IFT80: variants seen among roughly 807,000 people sequenced by gnomAD.
IFT80 encodes intraflagellar transport 80.
Under a neutral mutation model 107.9 loss-of-function variants are expected in IFT80, and 79 were observed. The observed-to-expected ratio is 0.73, with a 90% CI of 0.61 to 0.88. IFT80 has a LOEUF of 0.88. IFT80 is among the 40% of genes least tolerant of loss of function. IFT80 has a pLI of 0.00. For missense variants in IFT80, 797 were observed against 914.2 expected (o/e 0.87, Z 1.65); for synonymous variants, 299 against 300.9 (o/e 0.99, Z 0.07).
rs146306254 is a variant in IFT80 at position 160,270,383 on chromosome 3, T to C, written c.2100-1847A>G. Reference sequence around the variant, plus strand: ...GGTGTATGTATTGATTGACAACTGATAGACTTTTGAGAGATATTAAACACT... The same window carrying C: ...GGTGTATGTATTGATTGACAACTGACAGACTTTTGAGAGATATTAAACACT... On this transcript the variant is annotated intron_variant, in intron 18 of 19. Transcript: ENST00000326448. 1.7e-4 allele frequency among the ~76,000 whole-genome samples: 26 copies of C among 152,354 alleles called. No individual in the cohort carries two copies. In the East Asian group the frequency reaches 5.0e-3, roughly 29 times the overall value.
In IFT80 at chr3:160,280,790, C is replaced by T; in HGVS notation, c.1541G>A (p.Trp514Ter). ...KLGTMVHTLA[W>*]NDTCNILCGL... is the part of the protein sequence containing the mutation. ...ACAAAGGATATTGCATGTATCGTTC[C>T]ATGCCAAAGTATGCACCATTGTTCC... Residue 514 changes from tryptophan to a stop codon, truncating the protein, a stop_gained, in exon 15 of 20, where the codon TGG (tryptophan) becomes TAG (stop). Transcript: ENST00000326448. LOFTEE classifies it high-confidence loss of function. The T allele has an allele frequency of 6.2e-7, 1 of 1,613,192 alleles. No homozygotes were observed. Among genetic ancestry groups the T allele is most frequent in the Non-Finnish European group, 8.5e-7 (1 of 1,179,494 alleles).
At position 160,279,046 on chromosome 3, in the gene IFT80, T is replaced by C. The variant is rs547961949; in HGVS notation, c.1836+147A>G. On this transcript the variant is annotated intron_variant, in intron 16 of 19. Coordinates refer to ENST00000326448, the MANE Select transcript of IFT80 (RefSeq NM_020800.3). ...AATCACACAGCAACATGTATTCCTC[T>C]GTATTGCCCATGTCTTTACTTATAA... 17 of 637,016 alleles carry C rather than the reference T, an allele frequency of 2.7e-5. No individual in the cohort carries two copies. The South Asian group carries it at 2.8e-4, about 11-fold the overall frequency. The allele number at this position is 637,016 out of a possible 1,614,324, so 39.5% of individuals were successfully genotyped here.
At chr3:160,317,326 T>A (rs1456191852) in intron 9 of IFT80, among the ~76,000 whole-genome samples, 2 of 152,130 alleles carry the variant, frequency 1.3e-5, no homozygotes, top group Non-Finnish European at 2.9e-5. Context: ...TTTAAAACTT[T>A]AAAAATTTAT....
chr3:160,365,973 C>T (rs1459698846), intron 6 of IFT80, 70 bp downstream of exon 6: 7 of 1,158,406 alleles, frequency 6.0e-6, no homozygotes, highest in South Asian at 1.2e-5. Context: ...AAAGAGACTC[C>T]TAAGCAAGTG....
intron 8 of IFT80, among the ~76,000 whole-genome samples, chr3:160,329,910 CT>C (rs1275700989): frequency 6.6e-6 from 1 of 152,072 alleles, no homozygotes. Flanking sequence ...TTTTTCTCCC[CT>C]ACACTGTTAC....
At chr3:160,284,468 C>T (rs1160488848) in intron 13 of IFT80, among the ~76,000 whole-genome samples, 1 of 152,100 alleles carries the variant, frequency 6.6e-6, no homozygotes, top group Non-Finnish European at 1.5e-5. Context: ...GGGAAATAAG[C>T]ACCTCATATA....
chr3:160,305,106 C>T (rs894380781), intron 10 of IFT80, among the ~76,000 whole-genome samples: 1 of 152,010 alleles, frequency 6.6e-6, no homozygotes, highest in African/African-American at 2.4e-5. Context: ...AACAGAAAAA[C>T]CCATCCTTAA....
At chr3:160,286,188 C>T (rs1423428740) in intron 12 of IFT80, among the ~76,000 whole-genome samples, 1 of 152,112 alleles carries the variant, frequency 6.6e-6, no homozygotes, top group Non-Finnish European at 1.5e-5. Flanking sequence ...TAATATAACA[C>T]CATAGTGTAG....
At chr3:160,323,028 C>G (rs79293315) in intron 8 of IFT80, among the ~76,000 whole-genome samples, 26,950 of 151,842 alleles carry the variant, frequency 0.18, 2,869 homozygotes, top group Non-Finnish European at 0.23. Flanking sequence ...TGTGCAGAGG[C>G]TCTTTAGTTT....
intron 12 of IFT80, 97 bp from the exon 13 acceptor site, chr3:160,285,965 ACTCT>A: frequency 1.2e-6 from 1 of 826,144 alleles, no homozygotes; most frequent in South Asian, 1.5e-5. Flanking sequence ...AAATTATTTA[ACTCT>A]CTAGACCACA....
rs766354291 is a variant in IFT80 at position 160,307,777 on chromosome 3, C to A, written c.962G>T (p.Arg321Leu). ...ATCCACTGCATCATTAAGAACATTACGAACCTAAACAAGGAAAAATAAAAT... is the reference window on the plus strand; with the variant it reads ...ATCCACTGCATCATTAAGAACATTAAGAACCTAAACAAGGAAAAATAAAAT... ...TLTKRRAMQV[R>L]NVLNDAVDLL... The change falls in exon 10 of 20, where the codon CGT becomes CTT. Residue 321 changes from arginine (R) to leucine (L), a missense_variant. Transcript: ENST00000326448. 1.4e-6 allele frequency: 2 copies of A among 1,477,006 alleles called. No homozygotes were observed. Among genetic ancestry groups the A allele is most frequent in the East Asian group, 2.3e-5 (1 of 44,132 alleles). The allele number at this position is 1,477,006 out of a possible 1,614,324, so 91.5% of individuals were successfully genotyped here. A position where few individuals can be genotyped will look rare whatever the true frequency, so the allele number is the denominator to read the frequency against.
chr3:160,392,383 A>C (rs568665126), intron 1 of IFT80, among the ~76,000 whole-genome samples: 117 of 152,334 alleles, frequency 7.7e-4, no homozygotes, highest in African/African-American at 2.6e-3. Context: ...CTCTCCACTG[A>C]ACCCCACACT....
intron 9 of IFT80, among the ~76,000 whole-genome samples, chr3:160,312,823 TAA>T (rs1257666590): frequency 2.7e-5 from 1 of 37,582 alleles, no homozygotes; most frequent in Non-Finnish European, 4.8e-5. Context: ...TATAAATATA[TAA>T]TATATATATA....
At chr3:160,326,284 C>A (rs567458126) in intron 8 of IFT80, among the ~76,000 whole-genome samples, 19 of 151,920 alleles carry the variant, frequency 1.3e-4, no homozygotes, top group African/African-American at 3.9e-4. Flanking sequence ...GGAACTATTC[C>A]AAAAAATTAA....
intron 6 of IFT80, among the ~76,000 whole-genome samples, chr3:160,358,411 A>G (rs766233005): frequency 2.6e-5 from 4 of 152,064 alleles, no homozygotes; most frequent in Non-Finnish European, 5.9e-5. Context: ...CATTCACTTT[A>G]TCTTCATGTG....
intron 5 of IFT80, among the ~76,000 whole-genome samples, chr3:160,371,603 C>T (rs1454925212): frequency 6.6e-6 from 1 of 152,030 alleles, no homozygotes; most frequent in African/African-American, 2.4e-5. Flanking sequence ...CCACTATGCC[C>T]GGCTAACTTT....
chr3:160,338,232 C>A (rs1719637334), intron 8 of IFT80, among the ~76,000 whole-genome samples: 1 of 152,114 alleles, frequency 6.6e-6, no homozygotes, highest in Admixed American at 6.6e-5. Flanking sequence ...AATGAAAAAA[C>A]TCTGAGCAGA....
At chr3:160,318,903 G>A (rs1483666518) in intron 9 of IFT80, among the ~76,000 whole-genome samples, 11 of 151,968 alleles carry the variant, frequency 7.2e-5, no homozygotes, top group Admixed American at 2.6e-4. Flanking sequence ...AGACTCTCAT[G>A]TGAGAGGTGC....
chr3:160,298,004 A>G (rs1437839116), intron 12 of IFT80, among the ~76,000 whole-genome samples: 1 of 152,164 alleles, frequency 6.6e-6, no homozygotes, highest in Non-Finnish European at 1.5e-5. Flanking sequence ...TTTGTTTCAA[A>G]TAATCACCAC....
Sources: gnomAD v4.1 joint callset for allele counts (sites outside exome capture counted in the v4.1 genomes callset) on GRCh38, gnomAD v4.1.1 for gene constraint, MANE v1.5 for transcripts, NCBI Gene and HGNC (gene_info 2026-07-23, HGNC 2026-07-21) for gene names.